ANO3: variants seen among roughly 807,000 people sequenced by gnomAD.
ANO3 encodes anoctamin-3.
In ANO3, 99 loss-of-function variants were observed where a neutral mutation model predicts 144.8. The observed-to-expected ratio is 0.68, with a 90% confidence interval of 0.58 to 0.81. The LOEUF (loss-of-function observed/expected upper bound fraction) is 0.81, where lower values mean the gene tolerates loss of function less well. Ranked by LOEUF, ANO3 falls within the 30% of genes least tolerant of loss-of-function variation. The pLI, the probability that ANO3 is intolerant of heterozygous loss-of-function variation, is 0.00. For missense variants in ANO3, 905 were observed against 1,202.2 expected, an observed-to-expected ratio of 0.75 and a Z score of 3.66; for synonymous variants, 414 against 392.6, an observed-to-expected ratio of 1.05 and a Z score of -0.64.
At chr11:26,368,720 C>G (rs373309971) in intron 1 of ANO3, among the ~76,000 whole-genome samples, 11 of 151,682 alleles carry the variant, frequency 7.3e-5, no homozygotes, top group East Asian at 5.8e-4. Flanking sequence ...ATGTATAAAT[C>G]TTTAGGCCTA....
chr11:26,479,488 G>A lies in ANO3; in HGVS notation c.432+16340G>A, dbSNP rs180936724. 3.3e-5 allele frequency among the ~76,000 whole-genome samples: 5 copies of A among 152,236 alleles called. No individual in the cohort carries two copies. In the East Asian group the frequency reaches 5.8e-4, roughly 18 times the overall value. On this transcript the variant is annotated intron_variant, in intron 4 of 26. Coordinates refer to ENST00000256737, the MANE Select transcript of ANO3 (RefSeq NM_031418.4). ...CATAATCACGGAAGGCAAATGAGGAGCAAAGTCACATCTTGCGTGGGGGCA... is the reference window on the plus strand; with the variant it reads ...CATAATCACGGAAGGCAAATGAGGAACAAAGTCACATCTTGCGTGGGGGCA...
intron 14 of ANO3, chr11:26,561,067 A>T: frequency 6.2e-7 from 1 of 1,609,852 alleles, no homozygotes; most frequent in Non-Finnish European, 8.5e-7. Context: ...TGTTAGTTCT[A>T]TACAGAAGTA....
chr11:26,531,085 T>C, intron 7 of ANO3, 120 bp from the exon 8 acceptor site: 1 of 1,071,970 alleles, frequency 9.3e-7, no homozygotes, highest in South Asian at 1.5e-5. Flanking sequence ...GTGTGGTGTG[T>C]GTAGGTTTGT....
intron 1 of ANO3, among the ~76,000 whole-genome samples, chr11:26,249,050 G>C (rs575037908): frequency 3.3e-5 from 5 of 152,102 alleles, no homozygotes; most frequent in Non-Finnish European, 7.3e-5. Flanking sequence ...GGAGACTGTC[G>C]CTTTAGATGT....
intron 1 of ANO3, among the ~76,000 whole-genome samples, chr11:26,397,646 C>G (rs1301303897): frequency 2.0e-5 from 3 of 151,992 alleles, no homozygotes; most frequent in Non-Finnish European, 4.4e-5. Context: ...GTGATCAGAT[C>G]AGGGTGATTG....
rs150759971 is a variant in ANO3 at position 26,533,609 on chromosome 11, GCATTAAAGGT to G, written c.870-844_870-835del. Among the ~76,000 whole-genome samples, 249 of 152,220 alleles carry G rather than the reference GCATTAAAGGT, an allele frequency of 1.6e-3. 3 individuals carry two copies. In the East Asian group the frequency reaches 0.03, roughly 18 times the overall value. On this transcript the variant is annotated intron_variant, in intron 8 of 26. Coordinates refer to ENST00000256737, the MANE Select transcript of ANO3 (RefSeq NM_031418.4). ...GGAGTGCTCTGAAAATCAGAGCTGT[GCATTAAAGGT>G]CAGGTGGGAAAACGCAAGGCAAGTT...
At chr11:26,434,209 G>C (rs1858215729) in intron 1 of ANO3, among the ~76,000 whole-genome samples, 1 of 152,068 alleles carries the variant, frequency 6.6e-6, no homozygotes, top group Non-Finnish European at 1.5e-5. Flanking sequence ...TGTGTGCCTA[G>C]AGGTGTTCAT....
intron 1 of ANO3, among the ~76,000 whole-genome samples, chr11:26,438,610 A>AAAAAAAAAAAAAAAAAG (rs1565024969): frequency 7.4e-4 from 55 of 73,826 alleles, no homozygotes; most frequent in Non-Finnish European, 9.7e-4. Context: ...AAAAAAAAAG[A>AAAAAAAAAAAAAAAAAG]AAAAAAAAAA....
intron 1 of ANO3, among the ~76,000 whole-genome samples, chr11:26,396,792 A>G (rs1208533291): frequency 1.3e-5 from 2 of 151,448 alleles, no homozygotes; most frequent in African/African-American, 4.8e-5. Context: ...GGGGCCTGTC[A>G]GGTGGTGGGG....
At chr11:26,525,409 G>A (rs1024985341) in intron 6 of ANO3, among the ~76,000 whole-genome samples, 1 of 151,996 alleles carries the variant, frequency 6.6e-6, no homozygotes, top group Non-Finnish European at 1.5e-5. Flanking sequence ...AAAGTGGTCT[G>A]TTGATTTATT....
At chr11:26,497,481 T>C (rs190810479) in intron 4 of ANO3, among the ~76,000 whole-genome samples, 1 of 152,224 alleles carries the variant, frequency 6.6e-6, no homozygotes, top group Admixed American at 6.5e-5. Flanking sequence ...TGAGATACTA[T>C]CTTACACCAG....
intron 17 of ANO3, among the ~76,000 whole-genome samples, chr11:26,608,587 T>C (rs965968110): frequency 6.6e-6 from 1 of 152,232 alleles, no homozygotes; most frequent in East Asian, 1.9e-4. Flanking sequence ...GCCACCCCTG[T>C]CCCTGGGGAC....
At chr11:26,629,308 G>T (rs1409058096) in intron 18 of ANO3, among the ~76,000 whole-genome samples, 3 of 152,124 alleles carry the variant, frequency 2.0e-5, no homozygotes, top group African/African-American at 7.2e-5. Context: ...TCGCCTCTGT[G>T]AAACCTTTGT....
In ANO3 at chr11:26,426,535, T is replaced by C. The variant is rs79582906; in HGVS notation, c.47-15383T>C. Reference sequence around the variant, plus strand: ...TGAATGCTCATAAGCAGTATTATTTTAAAGGTAATTCTTGAAAAATACCTA... The same window carrying C: ...TGAATGCTCATAAGCAGTATTATTTCAAAGGTAATTCTTGAAAAATACCTA... On this transcript the variant is annotated intron_variant, in intron 1 of 26. Transcript: ENST00000256737. 9.7e-3 allele frequency among the ~76,000 whole-genome samples: 1,471 copies of C among 152,320 alleles called. 18 individuals carry two copies. Among genetic ancestry groups the C allele is most frequent in the African/African-American group, 0.033 (1,363 of 41,566 alleles).
intron 1 of ANO3, among the ~76,000 whole-genome samples, chr11:26,255,838 C>A (rs187139376): frequency 3.7e-3 from 562 of 152,242 alleles, no homozygotes; most frequent in Non-Finnish European, 5.8e-3. Context: ...AAAATGCTCT[C>A]AATTCTTAGC....
At chr11:26,535,171 G>T (rs1849472790) in intron 9 of ANO3, among the ~76,000 whole-genome samples, 1 of 152,112 alleles carries the variant, frequency 6.6e-6, no homozygotes, top group South Asian at 2.1e-4. Context: ...TACATAAAAA[G>T]ACAAAAACTC....
intron 18 of ANO3, among the ~76,000 whole-genome samples, chr11:26,629,655 G>C (rs749402025): frequency 6.6e-6 from 1 of 152,012 alleles, no homozygotes; most frequent in Non-Finnish European, 1.5e-5. Context: ...TTTTGAGACA[G>C]AGTTTTGCTC....
At chr11:26,304,986 C>T (rs1854342070), upstream of ANO3, among the ~76,000 whole-genome samples, 1 of 150,912 alleles carries the variant, frequency 6.6e-6, no homozygotes, top group South Asian at 2.1e-4. Context: ...TATTATTATC[C>T]CAATTAAAGG....
intron 4 of ANO3, among the ~76,000 whole-genome samples, chr11:26,473,457 AG>A (rs1012930061): frequency 3.9e-5 from 6 of 151,920 alleles, no homozygotes; most frequent in African/African-American, 1.4e-4. Context: ...GAACACAGGC[AG>A]GATTTTTCAG....
Sources: allele counts gnomAD v4.1 joint callset (sites outside exome capture counted in the v4.1 genomes callset), GRCh38; gene constraint gnomAD v4.1.1; transcripts MANE v1.5; gene names NCBI Gene and HGNC (gene_info 2026-07-23, HGNC 2026-07-21).